Variants in ROBO2 observed in about 807,000 individuals in gnomAD.
ROBO2 encodes the protein roundabout guidance receptor 2, also known as roundabout homolog 2.
In ROBO2, 53 loss-of-function variants were observed where a neutral mutation model predicts 160.8. The ratio of observed to expected loss-of-function variants is 0.33; its 90% CI spans 0.26 to 0.41. ROBO2 has a LOEUF of 0.41. Ranked by LOEUF, ROBO2 falls within the 10% of genes least tolerant of loss-of-function variation. ROBO2 has a pLI of 1.00. For missense variants in ROBO2, 1,577 were observed against 1,722.4 expected, an observed-to-expected ratio of 0.92 and a Z score of 1.49; for synonymous variants, 664 against 611.7, an observed-to-expected ratio of 1.09 and a Z score of -1.26.
chr3:77,353,823 A>G (rs928771111), intron 2 of ROBO2, among the ~76,000 whole-genome samples: 1 of 143,354 alleles, frequency 7.0e-6, no homozygotes, highest in African/African-American at 3.0e-5. Flanking sequence ...GAACCTTTAG[A>G]AAAAAAATTA....
At chr3:76,510,501 A>G (rs1156643937) in intron 2 of ROBO2, among the ~76,000 whole-genome samples, 1 of 152,144 alleles carries the variant, frequency 6.6e-6, no homozygotes, top group East Asian at 1.9e-4. Flanking sequence ...AGGTGGGTGG[A>G]TCACCTGAGA....
At chr3:76,323,839 A>G (rs950032761) in intron 2 of ROBO2, among the ~76,000 whole-genome samples, 5 of 152,204 alleles carry the variant, frequency 3.3e-5, no homozygotes, top group African/African-American at 1.2e-4. Flanking sequence ...TTGCCAGTCA[A>G]TCTAAAATGG....
intron 2 of ROBO2, among the ~76,000 whole-genome samples, chr3:76,276,112 AG>A (rs1351621652): frequency 6.6e-6 from 1 of 152,074 alleles, no homozygotes; most frequent in Admixed American, 6.6e-5. Context: ...CCAACAGTCA[AG>A]GTCTTCCTAA....
chr3:77,300,846 CTATT>C (rs3070173), intron 2 of ROBO2, among the ~76,000 whole-genome samples: 25,949 of 146,062 alleles, frequency 0.18, 2,490 homozygotes, highest in Admixed American at 0.26. Flanking sequence ...AAATAATAGA[CTATT>C]TATTTATTTA....
intron 2 of ROBO2, among the ~76,000 whole-genome samples, chr3:76,245,287 C>T (rs996845547): frequency 8.5e-5 from 13 of 152,166 alleles, no homozygotes; most frequent in African/African-American, 2.7e-4. Context: ...TTTGGGGCAG[C>T]GCCCAATACC....
intron 2 of ROBO2, among the ~76,000 whole-genome samples, chr3:77,034,589 TA>T (rs562352432): frequency 9.6e-4 from 146 of 152,022 alleles, no homozygotes; most frequent in African/African-American, 3.3e-3. Context: ...CAAGGGAGAA[TA>T]AGCAATTTTT....
intron 2 of ROBO2, among the ~76,000 whole-genome samples, chr3:77,411,891 G>A (rs2076834852): frequency 6.6e-6 from 1 of 151,980 alleles, no homozygotes; most frequent in Non-Finnish European, 1.5e-5. Context: ...ATCCTTTATT[G>A]TTTCCTTCCC....
chr3:77,133,292 G>A (rs2076010482), intron 2 of ROBO2, among the ~76,000 whole-genome samples: 1 of 152,076 alleles, frequency 6.6e-6, no homozygotes, highest in African/African-American at 2.4e-5. Context: ...CCACTGGGGA[G>A]GAAGAGAATT....
intron 2 of ROBO2, among the ~76,000 whole-genome samples, chr3:76,901,348 C>T (rs1392740120): frequency 6.6e-6 from 1 of 151,824 alleles, no homozygotes; most frequent in Non-Finnish European, 1.5e-5. Context: ...ATCCCTGGCT[C>T]ATAATAGGCA....
chr3:77,021,570 G>T (rs2062639615), intron 2 of ROBO2, among the ~76,000 whole-genome samples: 2 of 152,130 alleles, frequency 1.3e-5, no homozygotes, highest in Non-Finnish European at 2.9e-5. Context: ...CCAACAGGAA[G>T]GATAGTTACA....
intron 2 of ROBO2, among the ~76,000 whole-genome samples, chr3:76,286,934 G>A (rs1559720853): frequency 6.6e-6 from 1 of 152,106 alleles, no homozygotes; most frequent in Non-Finnish European, 1.5e-5. Context: ...GTAAGAAAAG[G>A]CATTTAATTC....
At chr3:77,357,823 G>A (rs1318538170) in intron 2 of ROBO2, among the ~76,000 whole-genome samples, 1 of 152,138 alleles carries the variant, frequency 6.6e-6, no homozygotes, top group Non-Finnish European at 1.5e-5. Context: ...GGAAAGTAAA[G>A]TTTAAGGGAT....
chr3:76,700,489 C>T (rs2093024906), intron 2 of ROBO2, among the ~76,000 whole-genome samples: 1 of 152,078 alleles, frequency 6.6e-6, no homozygotes, highest in South Asian at 2.1e-4. Context: ...TAACTCTGTA[C>T]TCATCTGTTT....
At chr3:77,253,011 A>G (rs940173573) in intron 2 of ROBO2, among the ~76,000 whole-genome samples, 3 of 151,486 alleles carry the variant, frequency 2.0e-5, no homozygotes, top group Non-Finnish European at 2.9e-5. Context: ...TTAACATTAC[A>G]GGTATTTGTG....
At chr3:77,442,944 G>A (rs1363263857) in intron 2 of ROBO2, among the ~76,000 whole-genome samples, 3 of 152,162 alleles carry the variant, frequency 2.0e-5, no homozygotes, top group East Asian at 3.8e-4. Context: ...CATGAAGTCA[G>A]TTAGATTGCT....
intron 2 of ROBO2, among the ~76,000 whole-genome samples, chr3:76,934,011 C>T (rs1309292260): frequency 1.3e-5 from 2 of 152,060 alleles, no homozygotes; most frequent in East Asian, 3.9e-4. Context: ...TATTCAGTAG[C>T]ATAAAATTTG....
intron 2 of ROBO2, among the ~76,000 whole-genome samples, chr3:77,270,874 C>T (rs1238626396): frequency 1.3e-5 from 2 of 151,308 alleles, no homozygotes; most frequent in Admixed American, 6.6e-5. Context: ...ACCTGGAAGG[C>T]GGAGCTTGCA....
At chr3:77,176,822 T>C (rs548394502) in intron 2 of ROBO2, among the ~76,000 whole-genome samples, 2 of 152,122 alleles carry the variant, frequency 1.3e-5, no homozygotes, top group Non-Finnish European at 2.9e-5. Context: ...CTTGTTTGGA[T>C]CAAGGGTTGT....
At chr3:77,266,280 T>C (rs1029576702) in intron 2 of ROBO2, among the ~76,000 whole-genome samples, 2 of 152,070 alleles carry the variant, frequency 1.3e-5, no homozygotes, top group African/African-American at 4.8e-5. Context: ...AGCTTATAAA[T>C]TGCAATCTAA....
Sources: allele counts gnomAD v4.1 joint callset (sites outside exome capture counted in the v4.1 genomes callset), GRCh38; gene constraint gnomAD v4.1.1; transcripts MANE v1.5; gene names NCBI Gene and HGNC (gene_info 2026-07-23, HGNC 2026-07-21).